LHFPL6: variants seen among roughly 807,000 people sequenced by gnomAD.
LHFPL6 encodes LHFPL tetraspan subfamily member 6 protein.
A neutral mutation model predicts 20.6 loss-of-function variants in LHFPL6; 9 were observed. The observed-to-expected ratio is 0.44, with a 90% CI of 0.26 to 0.76. LHFPL6 has a LOEUF of 0.76. LHFPL6 is among the 30% of genes least tolerant of loss of function. LHFPL6 has a pLI of 0.20. For missense variants in LHFPL6, 218 were observed against 253.5 expected (o/e 0.86, Z 0.95); for synonymous variants, 105 against 98.7 (o/e 1.06, Z -0.38).
intron 2 of LHFPL6, among the ~76,000 whole-genome samples, chr13:39,560,504 C>CTTTTTTTTTTTTTTTT (rs376446144): frequency 2.5e-5 from 3 of 118,178 alleles, no homozygotes; most frequent in African/African-American, 3.1e-5. Context: ...TGCAAATTCT[C>CTTTTTTTTTTTTTTTT]TTTTTTTTTT....
intron 2 of LHFPL6, among the ~76,000 whole-genome samples, chr13:39,549,944 T>C (rs183529249): frequency 2.3e-4 from 35 of 152,134 alleles, no homozygotes; most frequent in Non-Finnish European, 2.8e-4. Flanking sequence ...ACACAGAAAG[T>C]AGATTAGTGG....
chr13:39,414,530 G>A (rs549475098), intron 2 of LHFPL6, among the ~76,000 whole-genome samples: 1 of 152,292 alleles, frequency 6.6e-6, no homozygotes, highest in African/African-American at 2.4e-5. Context: ...AGTTGAGGTA[G>A]AGCAAGGGCC....
intron 2 of LHFPL6, among the ~76,000 whole-genome samples, chr13:39,417,215 A>C (rs1871371382): frequency 6.6e-6 from 1 of 152,172 alleles, no homozygotes; most frequent in Non-Finnish European, 1.5e-5. Flanking sequence ...TACCAAAAAG[A>C]CTAACTACCC....
chr13:39,454,324 C>T (rs535372961), intron 2 of LHFPL6, among the ~76,000 whole-genome samples: 2 of 152,264 alleles, frequency 1.3e-5, no homozygotes, highest in South Asian at 2.1e-4. Context: ...TTCTCTCTAA[C>T]GTTTCCTTAA....
chr13:39,590,863 C>G (rs1383163624), intron 2 of LHFPL6, among the ~76,000 whole-genome samples: 1 of 152,178 alleles, frequency 6.6e-6, no homozygotes, highest in Non-Finnish European at 1.5e-5. Flanking sequence ...ATTTGCATTT[C>G]AGTCTGTTAG....
At chr13:39,401,678 C>T (rs1019290427) in intron 2 of LHFPL6, among the ~76,000 whole-genome samples, 1 of 152,224 alleles carries the variant, frequency 6.6e-6, no homozygotes, top group African/African-American at 2.4e-5. Context: ...CCTTTCCTAA[C>T]TTGCCAATAC....
In LHFPL6 at chr13:39,593,093, A is replaced by T. The variant is rs1872661760; in HGVS notation, c.385+7739T>A. ...GGGATGCCCTCTCTTACCACTCCTA[A>T]TCAACATAGTGTTGGAAGTTCTGGC... is the stretch of plus-strand genomic sequence containing the variant. On this transcript the variant is annotated intron_variant, in intron 2 of 3. Transcript: ENST00000379589. Among the ~76,000 whole-genome samples the T allele has an allele frequency of 2.6e-5, 4 of 152,180 alleles. No homozygotes were observed. The South Asian group carries it at 8.3e-4, about 32-fold the overall frequency.
chr13:39,407,194 A>C (rs1324147227), intron 2 of LHFPL6, among the ~76,000 whole-genome samples: 1 of 152,156 alleles, frequency 6.6e-6, no homozygotes, highest in African/African-American at 2.4e-5. Context: ...TTGGATTCCA[A>C]GGGTTCCCTG....
rs185638660 is a variant in LHFPL6 at position 39,409,338 on chromosome 13, C to T, written c.386-30812G>A. On this transcript the variant is annotated intron_variant, in intron 2 of 3. Transcript: ENST00000379589. ...GCGTGGTGATGCATGCCTGTAATCC[C>T]AGCTACTCAGGAGGCTGAGGCAGGA... 6.2e-4 allele frequency among the ~76,000 whole-genome samples: 94 copies of T among 152,118 alleles called. 1 individual carries two copies. Among genetic ancestry groups the T allele is most frequent in the Middle Eastern group, 6.8e-3 (2 of 294 alleles).
intron 3 of LHFPL6, among the ~76,000 whole-genome samples, chr13:39,351,139 C>T (rs140972748): frequency 9.2e-5 from 14 of 152,216 alleles, no homozygotes; most frequent in African/African-American, 2.9e-4. Context: ...TCACAACAAC[C>T]GATACACATT....
intron 2 of LHFPL6, among the ~76,000 whole-genome samples, chr13:39,525,145 G>A (rs747735307): frequency 2.8e-4 from 42 of 152,142 alleles, no homozygotes; most frequent in African/African-American, 9.4e-4. Context: ...CACAGTCCAC[G>A]GGCAGAAGGT....
At chr13:39,587,029 C>T (rs1035543029) in intron 2 of LHFPL6, among the ~76,000 whole-genome samples, 7 of 152,158 alleles carry the variant, frequency 4.6e-5, no homozygotes, top group African/African-American at 1.4e-4. Context: ...TGGTGGCATG[C>T]GCCTGTAATC....
intron 3 of LHFPL6, among the ~76,000 whole-genome samples, chr13:39,351,281 T>C (rs1013025710): frequency 1.3e-5 from 2 of 152,200 alleles, no homozygotes; most frequent in African/African-American, 4.8e-5. Context: ...TCTCCTTTAA[T>C]CATTTTTGTC....
At chr13:39,348,198 G>A (rs958864134) in intron 3 of LHFPL6, among the ~76,000 whole-genome samples, 2 of 152,186 alleles carry the variant, frequency 1.3e-5, no homozygotes, top group Non-Finnish European at 2.9e-5. Flanking sequence ...AGCCGATGCT[G>A]TAGATTCTCC....
At chr13:39,452,857 C>G (rs1466510770) in intron 2 of LHFPL6, among the ~76,000 whole-genome samples, 1 of 152,208 alleles carries the variant, frequency 6.6e-6, no homozygotes, top group African/African-American at 2.4e-5. Flanking sequence ...CTTTATAATG[C>G]TCTCCTCTTG....
At chr13:39,379,600 T>C (rs1263653001) in intron 2 of LHFPL6, among the ~76,000 whole-genome samples, 1 of 152,184 alleles carries the variant, frequency 6.6e-6, no homozygotes, top group Non-Finnish European at 1.5e-5. Context: ...CTTTTGTCTT[T>C]TTCCTCCCTA....
intron 2 of LHFPL6, among the ~76,000 whole-genome samples, chr13:39,578,391 C>T (rs750400593): frequency 2.0e-5 from 3 of 152,120 alleles, no homozygotes; most frequent in Non-Finnish European, 4.4e-5. Context: ...ATAAGAAAAT[C>T]GTCTTTTGAA....
At chr13:39,483,982 T>A (rs1868626884) in intron 2 of LHFPL6, among the ~76,000 whole-genome samples, 1 of 152,226 alleles carries the variant, frequency 6.6e-6, no homozygotes, top group Non-Finnish European at 1.5e-5. Context: ...AAGTTATTTT[T>A]CTTAATTTAA....
intron 2 of LHFPL6, among the ~76,000 whole-genome samples, chr13:39,574,660 G>C (rs542967875): frequency 6.6e-6 from 1 of 152,238 alleles, no homozygotes; most frequent in Non-Finnish European, 1.5e-5. Flanking sequence ...ATAGTTAGCT[G>C]GATGATGACA....
Sources: gnomAD v4.1 joint callset for allele counts (sites outside exome capture counted in the v4.1 genomes callset) on GRCh38, gnomAD v4.1.1 for gene constraint, MANE v1.5 for transcripts, NCBI Gene and HGNC (gene_info 2026-07-23, HGNC 2026-07-21) for gene names.